Variants in TRMT9B observed in about 807,000 individuals in gnomAD.
TRMT9B encodes the protein tRNA methyltransferase 9B (putative), also known as probable tRNA methyltransferase 9B.
A neutral mutation model predicts 11.5 loss-of-function variants in TRMT9B; 16 were observed. The ratio of observed to expected loss-of-function variants is 1.39; its 90% confidence interval spans 0.94 to 2.11. The LOEUF is 2.11. Ranked by LOEUF, TRMT9B falls within the 30% of genes most tolerant of loss-of-function variation. The pLI is 0.00. For synonymous variants in TRMT9B, 274 were observed against 192.4 expected, an observed-to-expected ratio of 1.42 and a Z score of -3.51; for missense variants, 941 against 553.8, an observed-to-expected ratio of 1.70 and a Z score of -7.02.
chr8:12,996,975 ATTTTATTTTATTTTATTTTATTTTATTT>A (rs1436819627), intron 2 of TRMT9B, among the ~76,000 whole-genome samples: 1 of 117,442 alleles, frequency 8.5e-6, no homozygotes, highest in Non-Finnish European at 1.7e-5. Context: ...ATTTTATTTT[ATTTTATTTTATTTTATTTTATTTTATTT>A]TATTTTTTAT....
intron 1 of TRMT9B, among the ~76,000 whole-genome samples, chr8:12,950,036 C>A (rs1258774506): frequency 1.3e-5 from 2 of 151,982 alleles, no homozygotes; most frequent in African/African-American, 2.4e-5. Context: ...GTATTTCTTT[C>A]AGAAATGAGG....
chr8:12,963,911 C>G (rs1278105036), intron 1 of TRMT9B, among the ~76,000 whole-genome samples: 1 of 152,154 alleles, frequency 6.6e-6, no homozygotes, highest in Non-Finnish European at 1.5e-5. Flanking sequence ...GGGTTCTAGT[C>G]CTTGCTCCTC....
chr8:13,006,575 C>T (rs1414902809), intron 3 of TRMT9B: 3 of 1,421,730 alleles, frequency 2.1e-6, no homozygotes, highest in Admixed American at 5.7e-5. Flanking sequence ...TGAAATTGCA[C>T]CCTTGGCATG....
intron 1 of TRMT9B, among the ~76,000 whole-genome samples, chr8:12,980,280 C>G (rs1585184440): frequency 6.6e-6 from 1 of 152,168 alleles, no homozygotes; most frequent in Non-Finnish European, 1.5e-5. Flanking sequence ...TAGTGTAACT[C>G]CAATTTCTGC....
rs183885909 is a variant in TRMT9B at position 13,011,419 on chromosome 8, G to T, written c.155-1265G>T. On this transcript the variant is annotated intron_variant, in intron 3 of 4. Coordinates refer to ENST00000524591, the MANE Select transcript of TRMT9B (RefSeq NM_020844.3). ...GTTATTAGTGTCCTGATGTATTTCA[G>T]AAGCAGCAAACTAATCATCTTTGAA... The T allele has an allele frequency of 5.1e-6, 5 of 985,400 alleles. No homozygotes were observed. In the East Asian group the frequency reaches 5.7e-4, roughly 112 times the overall value. 61.0% of individuals were successfully genotyped at this position (985,400 alleles called of 1,614,324 possible).
At chr8:12,947,508 C>G (rs1231160703) in intron 1 of TRMT9B, among the ~76,000 whole-genome samples, 1 of 152,172 alleles carries the variant, frequency 6.6e-6, no homozygotes, top group African/African-American at 2.4e-5. Flanking sequence ...TAGACCACGT[C>G]CTTGAATAAA....
chr8:13,007,428 T>C (rs1043855024), intron 3 of TRMT9B: 2 of 152,248 alleles, frequency 1.3e-5, no homozygotes, highest in Admixed American at 6.5e-5. Flanking sequence ...AACTGCGTTC[T>C]AGCAATTGCA....
chr8:13,012,179 T>G (rs2128894526), intron 3 of TRMT9B: 1 of 985,534 alleles, frequency 1.0e-6, no homozygotes, highest in South Asian at 4.7e-5. Context: ...CTATTGCCTT[T>G]CTCTCTTCTA....
chr8:12,995,697 G>C (rs893984533), intron 2 of TRMT9B, among the ~76,000 whole-genome samples: 3 of 151,902 alleles, frequency 2.0e-5, no homozygotes, highest in African/African-American at 7.3e-5. Flanking sequence ...TTTTTGGGAG[G>C]GAACACTGAT....
At chr8:13,013,401 C>T (rs1484476983) in intron 4 of TRMT9B, among the ~76,000 whole-genome samples, 1 of 152,050 alleles carries the variant, frequency 6.6e-6, no homozygotes. Context: ...TGCCAGAGAT[C>T]GTTCATGAGT....
intron 1 of TRMT9B, among the ~76,000 whole-genome samples, chr8:12,981,333 A>G (rs1805346388): frequency 6.6e-6 from 1 of 152,216 alleles, no homozygotes; most frequent in African/African-American, 2.4e-5. Flanking sequence ...CTGGCAGAGC[A>G]CAGGGTGTGA....
chr8:12,974,565 C>G (rs895928896), intron 1 of TRMT9B, among the ~76,000 whole-genome samples: 3 of 152,180 alleles, frequency 2.0e-5, no homozygotes, highest in African/African-American at 7.2e-5. Context: ...ACAAGTCCTG[C>G]CTCGTTCCAG....
chr8:13,013,829 G>A (rs1237784158), intron 4 of TRMT9B, among the ~76,000 whole-genome samples: 1 of 152,026 alleles, frequency 6.6e-6, no homozygotes. Context: ...AGCGCCTGTA[G>A]TCCCAGCTAC....
Position 12,975,828 on chromosome 8 carries a change from A to G in TRMT9B, c.-199-15006A>G, listed in dbSNP as rs1789177103. ...TTCCTTCAATTGATGATAATCCACC[A>G]CCACCATATTTGCCAGATATGGTGA... is the stretch of plus-strand genomic sequence containing the variant. On this transcript the variant is annotated intron_variant, in intron 1 of 4. Transcript: ENST00000524591. Among the ~76,000 whole-genome samples the G allele has an allele frequency of 2.6e-5, 4 of 152,226 alleles. No individual in the cohort carries two copies. In the South Asian group the frequency reaches 8.3e-4, roughly 32 times the overall value.
chr8:12,974,374 G>A (rs891131185), intron 1 of TRMT9B, among the ~76,000 whole-genome samples: 11 of 152,164 alleles, frequency 7.2e-5, no homozygotes, highest in Non-Finnish European at 2.9e-5. Flanking sequence ...GATGAAACGT[G>A]GAGCCTGGAT....
chr8:13,012,922 C>T (rs1811927200), intron 4 of TRMT9B, 65 bp downstream of exon 4: 2 of 1,563,768 alleles, frequency 1.3e-6, no homozygotes, highest in Non-Finnish European at 1.7e-6. Context: ...TTAGTCCGTT[C>T]TCATGACTCA....
chr8:12,954,156 A>G (rs954725788), intron 1 of TRMT9B, among the ~76,000 whole-genome samples: 2 of 152,204 alleles, frequency 1.3e-5, no homozygotes, highest in African/African-American at 4.8e-5. Context: ...GGGAGTGGGG[A>G]TCTTCCCAGT....
chr8:13,018,593 G>A lies in TRMT9B; in HGVS notation c.329-2415G>A, dbSNP rs1428038595. On this transcript the variant is annotated intron_variant, in intron 4 of 4. Transcript: ENST00000524591. Reference sequence around the variant, plus strand: ...AGTAGTCATGTTCTATAAAGTCTCTGTGAACACTGAATTAATAAATTCAGT... The same window carrying A: ...AGTAGTCATGTTCTATAAAGTCTCTATGAACACTGAATTAATAAATTCAGT... 3.3e-5 allele frequency among the ~76,000 whole-genome samples: 5 copies of A among 152,196 alleles called. No individual in the cohort carries two copies. In the East Asian group the frequency reaches 9.7e-4, roughly 29 times the overall value.
intron 1 of TRMT9B, among the ~76,000 whole-genome samples, chr8:12,955,174 T>C (rs1801134979): frequency 1.3e-5 from 2 of 152,182 alleles, no homozygotes; most frequent in African/African-American, 4.8e-5. Context: ...GCTAGTATAC[T>C]CCTATAGCAT....
Sources: gnomAD v4.1 joint callset for allele counts (sites outside exome capture counted in the v4.1 genomes callset) on GRCh38, gnomAD v4.1.1 for gene constraint, MANE v1.5 for transcripts, NCBI Gene and HGNC (gene_info 2026-07-23, HGNC 2026-07-21) for gene names.